CCNG1: variants seen among roughly 807,000 people sequenced by gnomAD.
CCNG1 encodes cyclin G1, also known as cyclin-G1.
CCNG1 carries 13 observed loss-of-function variants against 30.0 expected under a neutral mutation model. The ratio of observed to expected loss-of-function variants is 0.43; its 90% CI spans 0.28 to 0.69. CCNG1 has a LOEUF of 0.69. Ranked by LOEUF, CCNG1 falls within the 30% of genes least tolerant of loss-of-function variation. The pLI, the probability that CCNG1 is intolerant of heterozygous loss-of-function variation, is 0.16. For synonymous variants in CCNG1, 110 were observed against 121.5 expected (o/e 0.91, Z 0.62); for missense variants, 285 against 331.4 (o/e 0.86, Z 1.09).
intron 2 of CCNG1, among the ~76,000 whole-genome samples, chr5:163,439,853 G>C (rs1269299616): frequency 1.3e-5 from 2 of 151,834 alleles, no homozygotes; most frequent in Non-Finnish European, 2.9e-5. Flanking sequence ...TTTATTAGTG[G>C]CAGAAATTTA....
Position 163,443,798 on chromosome 5 carries a change from C to A in CCNG1, c.*128C>A. On this transcript the variant is annotated 3_prime_UTR_variant, in exon 7 of 7. Coordinates refer to ENST00000340828, the MANE Select transcript of CCNG1 (RefSeq NM_004060.4). ...AACATCACGAGATAAGCATGATGGT[C>A]TCAGACTTGGGAAAACTGCCTAATA... 1.9e-6 allele frequency: 2 copies of A among 1,075,690 alleles called. No homozygotes were observed. Among genetic ancestry groups the A allele is most frequent in the South Asian group, 1.4e-5 (1 of 69,076 alleles). 66.6% of individuals were successfully genotyped at this position (1,075,690 alleles called of 1,614,324 possible). A position where few individuals can be genotyped will look rare whatever the true frequency, so the allele number is the denominator to read the frequency against.
At position 163,437,601 on chromosome 5, in the gene CCNG1, G is replaced by C. The variant is rs1321987103; in HGVS notation, c.-204G>C. 6.6e-6 allele frequency: 1 copy of C among 152,016 alleles called. No individual in the cohort carries two copies. The highest frequency in any genetic ancestry group is 1.5e-5 in the Non-Finnish European group (1 of 68,040). The allele number at this position is 152,016 out of a possible 1,614,324, so 9.4% of individuals were successfully genotyped here. ...TCGTTAGGGCAGGCGCGGCCCCTTC[G>C]GCTCCGAGCTGACCCTGATCAGGGC... is the stretch of plus-strand genomic sequence containing the variant. On this transcript the variant is annotated 5_prime_UTR_variant, in exon 1 of 7. Coordinates refer to ENST00000340828, the MANE Select transcript of CCNG1 (RefSeq NM_004060.4).
chr5:163,457,106 A>G, the CCNG1 span: 439 of 1,522,838 alleles, frequency 2.9e-4, no homozygotes, highest in Non-Finnish European at 3.7e-4. Context: ...ACACACACAC[A>G]CGCACAAATA....
intron 5 of CCNG1, 48 bp from the exon 6 acceptor site, chr5:163,442,326 G>A (rs776954165): frequency 5.7e-6 from 8 of 1,396,908 alleles, no homozygotes; most frequent in Non-Finnish European, 7.9e-6. Context: ...GTTAAATAAG[G>A]TGGGACTTAC....
At chr5:163,457,124 G>C in the CCNG1 span, 1 of 1,485,314 alleles carries the variant, frequency 6.7e-7, no homozygotes, top group South Asian at 1.3e-5. Flanking sequence ...ATAAATTAGA[G>C]TTCTTCATCA....
the CCNG1 span, among the ~76,000 whole-genome samples, chr5:163,454,846 T>TG: frequency 6.6e-6 from 1 of 150,472 alleles, no homozygotes; most frequent in East Asian, 1.9e-4. Flanking sequence ...AATTCAAGAG[T>TG]GAAAAAAAAC....
chr5:163,442,231 A>G (rs1757852446), intron 5 of CCNG1, 88 bp downstream of exon 5: 2 of 1,104,642 alleles, frequency 1.8e-6, no homozygotes, highest in East Asian at 2.4e-5. Context: ...GAGATGTCAT[A>G]TGTTTATTTG....
downstream of CCNG1, chr5:163,447,691 G>A (rs1758073881): frequency 6.6e-6 from 1 of 152,072 alleles, no homozygotes; most frequent in African/African-American, 2.4e-5. Flanking sequence ...CACTCACCAA[G>A]ATAAACCACA....
the CCNG1 span, chr5:163,452,104 G>A: frequency 6.6e-6 from 1 of 151,744 alleles, no homozygotes; most frequent in African/African-American, 2.4e-5. Flanking sequence ...TTTCTCACTG[G>A]TACTGAAAAC....
downstream of CCNG1, chr5:163,448,534 C>T (rs1444718937): frequency 6.6e-6 from 1 of 152,046 alleles, no homozygotes; most frequent in Non-Finnish European, 1.5e-5. Flanking sequence ...TGTTTAAAAC[C>T]TTACTAGCAA....
At chr5:163,457,381 C>T in the CCNG1 span, among the ~76,000 whole-genome samples, 1 of 149,850 alleles carries the variant, frequency 6.7e-6, no homozygotes, top group Non-Finnish European at 1.5e-5. Context: ...TTTATATTTC[C>T]AAAAACAACT....
At chr5:163,443,564 T>G (rs1481473127) in intron 6 of CCNG1, 110 bp from the exon 7 acceptor site, 1 of 641,668 alleles carries the variant, frequency 1.6e-6, no homozygotes. Context: ...ATTTAATACA[T>G]CTACATGTGA....
At chr5:163,449,808 G>A (rs558398945), downstream of CCNG1, 2 of 152,264 alleles carry the variant, frequency 1.3e-5, no homozygotes, top group Non-Finnish European at 2.9e-5. Context: ...ACTCAATGGG[G>A]AATGGAGAGT....
downstream of CCNG1, chr5:163,447,520 G>A (rs1758069100): frequency 6.6e-6 from 1 of 151,262 alleles, no homozygotes; most frequent in South Asian, 2.1e-4. Flanking sequence ...ATTTACAGTT[G>A]GAAACTTAAA....
rs1222555432 is a variant in CCNG1, at chr5:163,439,282, ACT to A, written c.30_31del (p.Gln11GlufsTer15). 6.2e-7 allele frequency: 1 copy of A among 1,613,512 alleles called. No individual in the cohort carries two copies. Among genetic ancestry groups the A allele is most frequent in the Non-Finnish European group, 8.5e-7 (1 of 1,179,944 alleles). On this transcript the variant is annotated frameshift_variant, in exon 2 of 7. Transcript: ENST00000340828. LOFTEE classifies it high-confidence loss of function. ...ATGATAGAGGTACTGACAACAACTG[ACT>A]CTCAGAAACTGCTACACCAGCTGAA...
At position 163,439,251 on chromosome 5, in the gene CCNG1, A is replaced by G; in HGVS notation, c.1-6A>G. Reference sequence around the variant, plus strand: ...ACTCCTTGCTGGTCTTTTTTTCTATATATAGATGATAGAGGTACTGACAAC... The same window carrying G: ...ACTCCTTGCTGGTCTTTTTTTCTATGTATAGATGATAGAGGTACTGACAAC... On this transcript the variant is annotated splice_region_variant and splice_polypyrimidine_tract_variant and intron_variant, in intron 1 of 6. Transcript: ENST00000340828. The G allele has an allele frequency of 6.2e-7, 1 of 1,610,266 alleles. No individual in the cohort carries two copies. The highest frequency in any genetic ancestry group is 1.1e-5 in the South Asian group (1 of 90,836).
At chr5:163,451,093 G>A (rs1758164794), downstream of CCNG1, 1 of 152,194 alleles carries the variant, frequency 6.6e-6, no homozygotes, top group Non-Finnish European at 1.5e-5. Flanking sequence ...GGAAATCTAT[G>A]AGATGAAAAG....
At chr5:163,456,456 G>A in the CCNG1 span, among the ~76,000 whole-genome samples, 2 of 152,130 alleles carry the variant, frequency 1.3e-5, no homozygotes, top group African/African-American at 2.4e-5. Context: ...AGTAGGGAAA[G>A]AGACCCACAG....
chr5:163,438,065 A>T (rs1053737790), intron 1 of CCNG1, among the ~76,000 whole-genome samples: 1 of 152,124 alleles, frequency 6.6e-6, no homozygotes, highest in Non-Finnish European at 1.5e-5. Context: ...GGTTCCTCAC[A>T]TGACTAGCTC....
Sources: allele counts gnomAD v4.1 joint callset (sites outside exome capture counted in the v4.1 genomes callset), GRCh38; gene constraint gnomAD v4.1.1; transcripts MANE v1.5; gene names NCBI Gene and HGNC (gene_info 2026-07-23, HGNC 2026-07-21).